Variants in C5orf24 observed in about 807,000 individuals in gnomAD.
C5orf24 encodes UPF0461 protein C5orf24.
A neutral mutation model predicts 9.8 loss-of-function variants in C5orf24; 4 were observed. That is an observed-to-expected ratio of 0.41 (90% CI 0.20 to 0.93). The LOEUF is 0.93. C5orf24 is among the 40% of genes least tolerant of loss of function. C5orf24 has a pLI of 0.33. For missense variants in C5orf24, 170 were observed against 236.9 expected (o/e 0.72, Z 1.85); for synonymous variants, 73 against 81.3 (o/e 0.90, Z 0.55).
chr5:134,837,078 A>ATT, the C5orf24 span, among the ~76,000 whole-genome samples: 2 of 151,884 alleles, frequency 1.3e-5, no homozygotes, highest in Admixed American at 6.6e-5. Context: ...GGTTCAAGTG[A>ATT]TTTACCTGTC....
intron 1 of C5orf24, among the ~76,000 whole-genome samples, chr5:134,849,647 CTTTTTTTT>C (rs35375521): frequency 1.6e-4 from 12 of 76,974 alleles, no homozygotes; most frequent in South Asian, 6.9e-4. Flanking sequence ...AAGTCAGTGT[CTTTTTTTT>C]TTTTTTTTTT....
At chr5:134,837,382 C>A in the C5orf24 span, among the ~76,000 whole-genome samples, 1 of 152,144 alleles carries the variant, frequency 6.6e-6, no homozygotes, top group South Asian at 2.1e-4. Flanking sequence ...GCTTAAAGCA[C>A]GTAAAAATAG....
Position 134,856,034 on chromosome 5 carries a change from G to A in C5orf24, c.*567G>A, listed in dbSNP as rs1404724933. On this transcript the variant is annotated 3_prime_UTR_variant, in exon 2 of 2. Coordinates refer to ENST00000394976, the MANE Select transcript of C5orf24 (RefSeq NM_001135586.1). ...TTAATGTTTTAGGTTTAAGCAGCTT[G>A]TAATTTATTGATCTACATGGCATTA... 2 of 1,001,804 alleles carry A rather than the reference G, an allele frequency of 2.0e-6. No individual in the cohort carries two copies. The highest frequency in any genetic ancestry group is 2.4e-6 in the Non-Finnish European group (2 of 831,302). The allele number at this position is 1,001,804 out of a possible 1,614,324, so 62.1% of individuals were successfully genotyped here. A position where few individuals can be genotyped will look rare whatever the true frequency, so the allele number is the denominator to read the frequency against.
chr5:134,849,148 C>T (rs147701326), intron 1 of C5orf24, among the ~76,000 whole-genome samples: 3 of 141,042 alleles, frequency 2.1e-5, no homozygotes, highest in African/African-American at 7.9e-5. Flanking sequence ...CCAGCTACTT[C>T]GGAGGCTGAG....
chr5:134,839,813 A>C, the C5orf24 span, among the ~76,000 whole-genome samples: 1 of 151,052 alleles, frequency 6.6e-6, no homozygotes, highest in South Asian at 2.1e-4. Context: ...TCTGCCTCCT[A>C]AGTAGCTGGG....
chr5:134,834,634 G>A, the C5orf24 span, among the ~76,000 whole-genome samples: 1 of 152,070 alleles, frequency 6.6e-6, no homozygotes, highest in African/African-American at 2.4e-5. Context: ...AATGTGTCTG[G>A]GGTCAGGCAC....
rs940415077 is a variant in C5orf24, at chr5:134,858,691, G to C, written c.*3224G>C. The C allele has an allele frequency of 1.2e-5, 2 of 166,566 alleles. No homozygotes were observed. The highest frequency in any genetic ancestry group is 4.8e-5 in the African/African-American group (2 of 41,262). 10.3% of individuals were successfully genotyped at this position (166,566 alleles called of 1,614,324 possible). A position where few individuals can be genotyped will look rare whatever the true frequency, so the allele number is the denominator to read the frequency against. Reference sequence around the variant, plus strand: ...TATATTAGCAAATGAGCTAATAACAGATGAAATTTTCATTTTTTGACAGAT... The same window carrying C: ...TATATTAGCAAATGAGCTAATAACACATGAAATTTTCATTTTTTGACAGAT... On this transcript the variant is annotated 3_prime_UTR_variant, in exon 2 of 2. Transcript: ENST00000394976.
At chr5:134,854,727 G>T (rs774190659) in intron 1 of C5orf24, among the ~76,000 whole-genome samples, 171 bp from the exon 2 acceptor site, 1 of 152,156 alleles carries the variant, frequency 6.6e-6, no homozygotes, top group Non-Finnish European at 1.5e-5. Flanking sequence ...AAGTGTCCTT[G>T]AATCTGCTGA....
chr5:134,839,072 A>G, the C5orf24 span, among the ~76,000 whole-genome samples: 12 of 151,864 alleles, frequency 7.9e-5, no homozygotes, highest in Non-Finnish European at 1.3e-4. Flanking sequence ...GGCCCGGCAC[A>G]CATCCATAGT....
In C5orf24 at chr5:134,849,478, G is replaced by A. The variant is rs1352398851; in HGVS notation, c.-4+3266G>A. 2.0e-5 allele frequency among the ~76,000 whole-genome samples: 3 copies of A among 152,074 alleles called. No homozygotes were observed. In the East Asian group the frequency reaches 5.8e-4, roughly 29 times the overall value. Reference sequence around the variant, plus strand: ...ATAGGAAAGGATTGGTTTTAGTTCTGTTTGCGTTTTTAAAGTTAATTATTT... The same window carrying A: ...ATAGGAAAGGATTGGTTTTAGTTCTATTTGCGTTTTTAAAGTTAATTATTT... On this transcript the variant is annotated intron_variant, in intron 1 of 1. Coordinates refer to ENST00000394976, the MANE Select transcript of C5orf24 (RefSeq NM_001135586.1).
chr5:134,834,688 G>C, the C5orf24 span, among the ~76,000 whole-genome samples: 1 of 152,030 alleles, frequency 6.6e-6, no homozygotes, highest in African/African-American at 2.4e-5. Context: ...AGGCCGAGGA[G>C]GGTGGATCAC....
chr5:134,850,432 C>T (rs1189377923), intron 1 of C5orf24, among the ~76,000 whole-genome samples: 1 of 151,600 alleles, frequency 6.6e-6, no homozygotes. Flanking sequence ...CAGGCGTGAA[C>T]CACCATGGCT....
In C5orf24 at chr5:134,855,209, G is replaced by C; in HGVS notation, c.309G>C (p.Arg103=). 6.2e-7 allele frequency: 1 copy of C among 1,614,182 alleles called. No homozygotes were observed. Among genetic ancestry groups the C allele is most frequent in the Non-Finnish European group, 8.5e-7 (1 of 1,180,040 alleles). Reference sequence around the variant, plus strand: ...GAACCACCAAATCAGCAGGATACCGGACCAGCACAGGCAGACCCCTGGGAA... The same window carrying C: ...GAACCACCAAATCAGCAGGATACCGCACCAGCACAGGCAGACCCCTGGGAA... ...PSGTTKSAGY[R]TSTGRPLGTT... The change falls in exon 2 of 2, where the codon CGG becomes CGC. Residue 103 remains arginine, a synonymous_variant. Coordinates refer to ENST00000394976, the MANE Select transcript of C5orf24 (RefSeq NM_001135586.1).
At chr5:134,840,560 G>C in the C5orf24 span, among the ~76,000 whole-genome samples, 1 of 151,964 alleles carries the variant, frequency 6.6e-6, no homozygotes, top group African/African-American at 2.4e-5. Flanking sequence ...TGGGGACAGA[G>C]TCTCACTCTG....
upstream of C5orf24, among the ~76,000 whole-genome samples, chr5:134,842,225 C>G (rs978781484): frequency 6.6e-6 from 1 of 152,094 alleles, no homozygotes; most frequent in African/African-American, 2.4e-5. Context: ...CACGGTGGCT[C>G]CTGCCTGTAA....
At chr5:134,845,966 C>T (rs980809001), upstream of C5orf24, 3 of 152,294 alleles carry the variant, frequency 2.0e-5, no homozygotes, top group Admixed American at 6.5e-5. Context: ...CACGCCGCCT[C>T]TAACACTACA....
At chr5:134,835,683 T>G in the C5orf24 span, among the ~76,000 whole-genome samples, 2 of 151,274 alleles carry the variant, frequency 1.3e-5, no homozygotes, top group Admixed American at 6.6e-5. Flanking sequence ...AGCTTCTGTG[T>G]TTTTTTTTCT....
At chr5:134,836,027 A>G in the C5orf24 span, among the ~76,000 whole-genome samples, 12 of 151,868 alleles carry the variant, frequency 7.9e-5, no homozygotes, top group Non-Finnish European at 1.5e-5. Context: ...TAGAATATTT[A>G]TAAAAAACTC....
At position 134,855,004 on chromosome 5, in the gene C5orf24, A is replaced by G. The variant is rs759060961; in HGVS notation, c.104A>G (p.Tyr35Cys). 6.2e-7 allele frequency: 1 copy of G among 1,614,126 alleles called. No homozygotes were observed. The highest frequency in any genetic ancestry group is 1.1e-5 in the South Asian group (1 of 91,084). Reference protein sequence around the residue: ...AMRAADQFDIYSSQQSKYSHT... With the variant: ...AMRAADQFDICSSQQSKYSHT... Reference sequence around the variant, plus strand: ...AGAGCTGCTGATCAGTTTGACATATATTCCTCCCAGCAAAGCAAATACAGC... The same window carrying G: ...AGAGCTGCTGATCAGTTTGACATATGTTCCTCCCAGCAAAGCAAATACAGC... Residue 35 changes from tyrosine to cysteine, a missense_variant, in exon 2 of 2, where the codon TAT becomes TGT. By Grantham distance (194) the Tyr-to-Cys change is radical. Around this residue, in one of 3 missense-constraint regions of C5orf24, gnomAD observed 93 missense variants for 104.5 expected, o/e 0.89. Coordinates refer to ENST00000394976, the MANE Select transcript of C5orf24 (RefSeq NM_001135586.1).
Sources: gnomAD v4.1 joint callset for allele counts (sites outside exome capture counted in the v4.1 genomes callset) on GRCh38, gnomAD v4.1.1 for gene constraint, gnomAD v4.1.1 regional missense constraint, MANE v1.5 for transcripts, NCBI Gene and HGNC (gene_info 2026-07-23, HGNC 2026-07-21) for gene names.